The following CEP164 variants were observed in gnomAD, a reference collection of about 807,000 sequenced individuals.
CEP164 encodes centrosomal protein 164.
Under a neutral mutation model 182.7 loss-of-function variants are expected in CEP164, and 162 were observed. The ratio of observed to expected loss-of-function variants is 0.89; its 90% confidence interval spans 0.78 to 1.01. CEP164 has a LOEUF of 1.01. CEP164 is among the 50% of genes least tolerant of loss of function. CEP164 has a pLI of 0.00. For missense variants in CEP164, 1,735 were observed against 1,790.4 expected (o/e 0.97, Z 0.56); for synonymous variants, 661 against 690.0 (o/e 0.96, Z 0.66).
intron 27 of CEP164, among the ~76,000 whole-genome samples, chr11:117,399,768 G>C (rs934177485): frequency 6.6e-6 from 1 of 152,102 alleles, no homozygotes; most frequent in Non-Finnish European, 1.5e-5. Context: ...GTGTTTGTTG[G>C]CTGCGTAAAT....
intron 17 of CEP164, 90 bp downstream of exon 17, chr11:117,391,305 C>T: frequency 7.8e-7 from 1 of 1,275,354 alleles, no homozygotes; most frequent in South Asian, 1.3e-5. Flanking sequence ...AAGGGCAAGT[C>T]TCGGGTGGGC....
At chr11:117,357,423 C>CT (rs4018866) in intron 5 of CEP164, among the ~76,000 whole-genome samples, 17,204 of 120,936 alleles carry the variant, frequency 0.14, 1,538 homozygotes, top group East Asian at 0.35. Flanking sequence ...AGTTAATATT[C>CT]TTTTTTTTTT....
chr11:117,355,087 G>T lies in CEP164; in HGVS notation c.393+3099G>T, dbSNP rs551360005. On this transcript the variant is annotated intron_variant, in intron 5 of 32. Transcript: ENST00000278935. ...ACAAAGGAAAGAGCCCAGGCATGCT[G>T]GGTGACACTCCCTGGCGTTTCATGG... The T allele has an allele frequency of 3.9e-4, 502 of 1,289,824 alleles. 1 individual carries two copies. The highest frequency in any genetic ancestry group is 4.6e-4 in the Non-Finnish European group (456 of 988,880). 79.9% of individuals were successfully genotyped at this position (1,289,824 alleles called of 1,614,324 possible). A position where few individuals can be genotyped will look rare whatever the true frequency, so the allele number is the denominator to read the frequency against.
intron 5 of CEP164, among the ~76,000 whole-genome samples, chr11:117,358,445 A>G (rs889260044): frequency 5.3e-5 from 8 of 151,832 alleles, no homozygotes; most frequent in Middle Eastern, 3.2e-3. Context: ...TTGCTGATAC[A>G]TAGGCTGGTT....
intron 5 of CEP164, among the ~76,000 whole-genome samples, chr11:117,359,100 A>G (rs2040639417): frequency 6.6e-6 from 1 of 152,164 alleles, no homozygotes; most frequent in Non-Finnish European, 1.5e-5. Flanking sequence ...ACCTGCCACC[A>G]TGCCCGGCTA....
chr11:117,332,224 A>G (rs1391755370), intron 1 of CEP164, among the ~76,000 whole-genome samples: 1 of 152,106 alleles, frequency 6.6e-6, no homozygotes, highest in Non-Finnish European at 1.5e-5. Context: ...AGGAGGAGAC[A>G]TGGCCCTCAG....
Position 117,409,083 on chromosome 11 carries a change from T to C in CEP164, c.3748+55T>C. On this transcript the variant is annotated intron_variant, in intron 29 of 32. Coordinates refer to ENST00000278935, the MANE Select transcript of CEP164 (RefSeq NM_014956.5). This position sits in a 1 kb window ranked among gnomAD's most constrained non-coding sequence, Gnocchi z 4.4. ...ATGGTATCCATGGAATGGGAGGAAC[T>C]TGGGGAATAGAAGAAGAGCTCTCTT... The C allele has an allele frequency of 5.6e-6, 9 of 1,609,180 alleles. No individual in the cohort carries two copies. Among genetic ancestry groups the C allele is most frequent in the Non-Finnish European group, 7.6e-6 (9 of 1,177,244 alleles).
chr11:117,351,705 C>T, intron 4 of CEP164, 85 bp from the exon 5 acceptor site: 1 of 1,286,818 alleles, frequency 7.8e-7, no homozygotes, highest in African/African-American at 1.5e-5. Context: ...TTCACCTCCT[C>T]TCCCTTTTTC....
In CEP164 at chr11:117,397,076, ACT is replaced by A; in HGVS notation, c.3279-11_3279-10del. 6.2e-7 allele frequency: 1 copy of A among 1,608,336 alleles called. No homozygotes were observed. Among genetic ancestry groups the A allele is most frequent in the Non-Finnish European group, 8.5e-7 (1 of 1,177,186 alleles). On this transcript the variant is annotated splice_polypyrimidine_tract_variant and intron_variant, in intron 26 of 32. Transcript: ENST00000278935. ...TAGAGGCTTCTGTTTTCCTTCTTCA[ACT>A]CTCCTGCTCCAGCCTGTCCTCCCAC...
intron 19 of CEP164, among the ~76,000 whole-genome samples, 168 bp downstream of exon 19, chr11:117,392,795 C>T (rs1361188832): frequency 1.3e-5 from 2 of 152,196 alleles, no homozygotes; most frequent in African/African-American, 4.8e-5. Context: ...GCCAGGTACT[C>T]CTCCAATCTG....
At position 117,411,349 on chromosome 11, in the gene CEP164, C is replaced by G. The variant is rs114126758; in HGVS notation, c.4164-446C>G. On this transcript the variant is annotated intron_variant, in intron 31 of 32. Transcript: ENST00000278935. This position sits in a 1 kb window ranked among gnomAD's most constrained non-coding sequence, Gnocchi z 4.4. ...AGGGACACCCTGTGGAGGAGACAGA[C>G]GGGCAATTATTTAAACCTGTTATTA... 2.4e-3 allele frequency: 565 copies of G among 239,506 alleles called. No individual in the cohort carries two copies. The highest frequency in any genetic ancestry group is 0.012 in the African/African-American group (543 of 45,326). 14.8% of individuals were successfully genotyped at this position (239,506 alleles called of 1,614,324 possible).
chr11:117,347,508 C>G (rs1221796841), intron 4 of CEP164, among the ~76,000 whole-genome samples: 1 of 152,030 alleles, frequency 6.6e-6, no homozygotes, highest in Non-Finnish European at 1.5e-5. Context: ...GTTGGGAGTT[C>G]GAGACCAGCC....
chr11:117,412,080 T>C lies in CEP164; in HGVS notation c.4295T>C (p.Phe1432Ser), dbSNP rs1236417006. ...CTTCACCTTGTGGCCAGACCTCTCT[T>C]CTCGTCAACACCCAAGCCAAAAGCT... ...RVKNDPRLPL[F>S]SSTPKPKATL... The change falls in exon 33 of 33, where the codon TTC (phenylalanine) becomes TCC (serine). Residue 1432 changes from phenylalanine (F) to serine (S), a missense_variant. Phe to Ser is a radical substitution (Grantham distance 155). Coordinates refer to ENST00000278935, the MANE Select transcript of CEP164 (RefSeq NM_014956.5). 1 of 1,613,930 alleles carries C rather than the reference T, an allele frequency of 6.2e-7. No homozygotes were observed. Among genetic ancestry groups the C allele is most frequent in the Non-Finnish European group, 8.5e-7 (1 of 1,179,978 alleles).
chr11:117,361,488 G>T (rs1180060542), intron 5 of CEP164, among the ~76,000 whole-genome samples: 1 of 151,788 alleles, frequency 6.6e-6, no homozygotes, highest in African/African-American at 2.4e-5. Context: ...GATTCACCCG[G>T]CTCTGCCTCC....
At position 117,408,919 on chromosome 11, in the gene CEP164, C is replaced by T; in HGVS notation, c.3639C>T (p.Ser1213=). 1 of 1,614,078 alleles carries T rather than the reference C, an allele frequency of 6.2e-7. No homozygotes were observed. The highest frequency in any genetic ancestry group is 8.5e-7 in the Non-Finnish European group (1 of 1,180,002). The change falls in exon 29 of 33, where the codon TCC becomes TCT. Residue 1213 remains serine (S), a synonymous_variant. Coordinates refer to ENST00000278935, the MANE Select transcript of CEP164 (RefSeq NM_014956.5). ...EASDEGTLGG[S]PTKKAVTFDL... ...CAGATGAGGGCACTCTGGGAGGATC[C>T]CCCACCAAGAAGGCAGTAACCTTCG...
In CEP164 at chr11:117,381,820, T is replaced by C. The variant is rs2043349370; in HGVS notation, c.1529T>C (p.Leu510Pro). The change falls in exon 13 of 33, where the codon CTT (leucine) becomes CCT (proline). Residue 510 changes from leucine (L) to proline (P), a missense_variant. Transcript: ENST00000278935. ...GQPEWKEAEE[L>P]GEDSAASLSL... ...CCCGAGTGGAAGGAGGCAGAGGAGC[T>C]TGGGGAGGACTCTGCAGCCAGCCTC... The C allele has an allele frequency of 1.3e-6, 2 of 1,548,368 alleles. No individual in the cohort carries two copies. Among genetic ancestry groups the C allele is most frequent in the Non-Finnish European group, 1.7e-6 (2 of 1,146,156 alleles).
chr11:117,362,138 G>A (rs1294836240), intron 6 of CEP164, 145 bp downstream of exon 6: 11 of 832,492 alleles, frequency 1.3e-5, no homozygotes, highest in East Asian at 5.3e-5. Context: ...AATGTAATTC[G>A]CACCTGTATG....
In CEP164 at chr11:117,373,606, C is replaced by T. The variant is rs2042439554; in HGVS notation, c.1153-145C>T. On this transcript the variant is annotated intron_variant, in intron 9 of 32. Transcript: ENST00000278935. ...CAGAGAGAATGGCGGGGTCCACAGG[C>T]CTCGTTTAGGTTTTCAAGAAGAGTG... is the stretch of plus-strand genomic sequence containing the variant. The T allele has an allele frequency of 7.2e-6, 5 of 692,484 alleles. No individual in the cohort carries two copies. In the Admixed American group the frequency reaches 1.2e-4, roughly 17 times the overall value. 42.9% of individuals were successfully genotyped at this position (692,484 alleles called of 1,614,324 possible). A position where few individuals can be genotyped will look rare whatever the true frequency, so the allele number is the denominator to read the frequency against.
chr11:117,331,473 G>C (rs978439062), intron 1 of CEP164, among the ~76,000 whole-genome samples: 1 of 152,182 alleles, frequency 6.6e-6, no homozygotes, highest in Admixed American at 6.5e-5. Context: ...TATAAGTGTT[G>C]TTTCATTTTA....
Sources: allele counts gnomAD v4.1 joint callset (sites outside exome capture counted in the v4.1 genomes callset), GRCh38; gene constraint gnomAD v4.1.1; non-coding constraint Gnocchi (gnomAD v3.1); transcripts MANE v1.5; gene names NCBI Gene and HGNC (gene_info 2026-07-23, HGNC 2026-07-21).